The following MAB21L4 variants were observed in gnomAD, a reference collection of about 807,000 sequenced individuals.
MAB21L4 encodes mab-21 like 4.
MAB21L4 carries 25 observed loss-of-function variants against 32.4 expected under a neutral mutation model. That is an observed-to-expected ratio of 0.77 (90% confidence interval 0.56 to 1.08). The LOEUF (loss-of-function observed/expected upper bound fraction) is 1.08. MAB21L4 is among the 50% of genes least tolerant of loss of function. The pLI is 0.00. For synonymous variants in MAB21L4, 280 were observed against 276.8 expected (o/e 1.01, Z -0.11); for missense variants, 638 against 611.0 (o/e 1.04, Z -0.47).
chr2:240,891,479 G>T, intron 2 of MAB21L4, 59 bp downstream of exon 2: 1 of 1,460,766 alleles, frequency 6.8e-7, no homozygotes, highest in Non-Finnish European at 9.3e-7. Context: ...GGAGCATGGG[G>T]GCAGTGGCCC....
chr2:240,890,429 G>T (rs1269278223), intron 2 of MAB21L4, among the ~76,000 whole-genome samples: 1 of 152,150 alleles, frequency 6.6e-6, no homozygotes, highest in Non-Finnish European at 1.5e-5. Context: ...ACAGGAAGGT[G>T]CCTCTCAGAC....
At chr2:240,892,805 C>T (rs2059160839) in intron 1 of MAB21L4, among the ~76,000 whole-genome samples, 1 of 152,180 alleles carries the variant, frequency 6.6e-6, no homozygotes, top group Non-Finnish European at 1.5e-5. Flanking sequence ...TCGGACCCCA[C>T]CCGGGACCCA....
chr2:240,888,202 G>A (rs1052987972), intron 4 of MAB21L4, 90 bp downstream of exon 4: 48 of 1,081,180 alleles, frequency 4.4e-5, no homozygotes, highest in African/African-American at 1.2e-4. Flanking sequence ...CTGCTGACCT[G>A]GGAGAGAATG....
chr2:240,890,826 G>T (rs1298670944), intron 2 of MAB21L4, among the ~76,000 whole-genome samples: 3 of 152,252 alleles, frequency 2.0e-5, no homozygotes. Context: ...AGGCGGGCAG[G>T]TAGTTTATTC....
rs770963138 is a variant in MAB21L4, at chr2:240,891,530, G to A, written c.740+8C>T. 3.1e-6 allele frequency: 5 copies of A among 1,599,876 alleles called. No individual in the cohort carries two copies. The highest frequency in any genetic ancestry group is 2.2e-5 in the East Asian group (1 of 44,704). On this transcript the variant is annotated splice_region_variant and intron_variant, in intron 2 of 4. Coordinates refer to ENST00000388934, the MANE Select transcript of MAB21L4 (RefSeq NM_001085437.3). Reference sequence around the variant, plus strand: ...CCAAGAACCTTGTGACCAGGAGGGTGCGCCTACCTCCAGAGCTGGGCGCTG... The same window carrying A: ...CCAAGAACCTTGTGACCAGGAGGGTACGCCTACCTCCAGAGCTGGGCGCTG...
chr2:240,890,049 G>A lies in MAB21L4; in HGVS notation c.850C>T (p.Arg284Cys), dbSNP rs767515550. Residue 284 changes from arginine (R) to cysteine (C), a missense_variant, in exon 3 of 5, where the codon CGT becomes TGT. Arg to Cys is a radical substitution (Grantham distance 180). Coordinates refer to ENST00000388934, the MANE Select transcript of MAB21L4 (RefSeq NM_001085437.3). ...ILDRVNHESW[R>C]DSGQTDGLTF... Reference sequence around the variant, plus strand: ...AGGCCGTCAGTCTGGCCACTGTCACGCCAGCTCTCGTGGTTGACCCGGTCG... The same window carrying A: ...AGGCCGTCAGTCTGGCCACTGTCACACCAGCTCTCGTGGTTGACCCGGTCG... 1.9e-5 allele frequency: 31 copies of A among 1,613,328 alleles called. No individual in the cohort carries two copies. Among genetic ancestry groups the A allele is most frequent in the South Asian group, 1.5e-4 (14 of 91,040 alleles).
chr2:240,888,104 C>A (rs888529165), intron 4 of MAB21L4, among the ~76,000 whole-genome samples, 188 bp downstream of exon 4: 1 of 152,180 alleles, frequency 6.6e-6, no homozygotes, highest in African/African-American at 2.4e-5. Flanking sequence ...AGTGAGGGGA[C>A]CCCCACGGCC....
chr2:240,891,144 A>G (rs911975836), intron 2 of MAB21L4, among the ~76,000 whole-genome samples: 1 of 152,124 alleles, frequency 6.6e-6, no homozygotes, highest in Non-Finnish European at 1.5e-5. Context: ...TCTCACAGAC[A>G]TCAATGTGGA....
In MAB21L4 at chr2:240,888,415, G is replaced by A. The variant is rs760210722; in HGVS notation, c.1128C>T (p.His376=). ...ASQPEAALRI[H]ATHLGRSPPP... ...GGGGGCTGCGGCCCAGGTGGGTGGC[G>A]TGGATGCGCAGGGCCGCCTCGGGCT... The change falls in exon 4 of 5, where the codon CAC becomes CAT. Residue 376 remains histidine (H), a synonymous_variant. Coordinates refer to ENST00000388934, the MANE Select transcript of MAB21L4 (RefSeq NM_001085437.3). 98 of 1,558,858 alleles carry A rather than the reference G, an allele frequency of 6.3e-5. No homozygotes were observed. The highest frequency in any genetic ancestry group is 6.3e-5 in the Non-Finnish European group (73 of 1,155,444).
intron 1 of MAB21L4, among the ~76,000 whole-genome samples, chr2:240,893,774 C>A (rs1465255447): frequency 1.1e-5 from 1 of 95,204 alleles, no homozygotes; most frequent in East Asian, 2.8e-4. Context: ...CGGCTTAGAG[C>A]AAATCCGAAT....
chr2:240,890,423 G>A (rs1365406710), intron 2 of MAB21L4, among the ~76,000 whole-genome samples: 2 of 152,162 alleles, frequency 1.3e-5, no homozygotes, highest in Admixed American at 1.3e-4. Context: ...GTGTAGACAG[G>A]AAGGTGCCTC....
At chr2:240,891,450 C>A in intron 2 of MAB21L4, 88 bp downstream of exon 2, 1 of 1,252,722 alleles carries the variant, frequency 8.0e-7, no homozygotes, top group Non-Finnish European at 1.1e-6. Flanking sequence ...CCCTGCAGAT[C>A]CTCCTGGCTG....
At chr2:240,894,751 TCGTGCCATTGCACTCCAGC>T (rs1484701385) in intron 1 of MAB21L4, among the ~76,000 whole-genome samples, 5 of 152,066 alleles carry the variant, frequency 3.3e-5, no homozygotes, top group African/African-American at 1.2e-4. Context: ...TGAGCCAAGA[TCGTGCCATTGCACTCCAGC>T]CTGGGTGACA....
intron 3 of MAB21L4, 93 bp from the exon 4 acceptor site, chr2:240,888,741 TC>T: frequency 1.3e-6 from 1 of 780,542 alleles, no homozygotes. Context: ...TGGCTGCCCC[TC>T]CCTGCTCCTA....
chr2:240,888,553 A>G lies in MAB21L4; in HGVS notation c.990T>C (p.Cys330=), dbSNP rs1290232670. 1 of 1,608,860 alleles carries G rather than the reference A, an allele frequency of 6.2e-7. No homozygotes were observed. Among genetic ancestry groups the G allele is most frequent in the South Asian group, 1.1e-5 (1 of 90,930 alleles). The change falls in exon 4 of 5, where the codon TGT becomes TGC. Residue 330 remains cysteine, a synonymous_variant. Coordinates refer to ENST00000388934, the MANE Select transcript of MAB21L4 (RefSeq NM_001085437.3). ...GGGGCAGCTTCCGCGTGGCCAGGCA[A>G]CAGAGCAGCACCACCAGCAGGCGGT... ...AVYRLLVVLL[C]CLATRKLPHF...
rs762018832 is a variant in MAB21L4 at position 240,890,048 on chromosome 2, C to T, written c.851G>A (p.Arg284His). The change falls in exon 3 of 5, where the codon CGT (arginine) becomes CAT (histidine). Residue 284 changes from arginine (R) to histidine (H), a missense_variant. Arg to His is a conservative substitution (Grantham distance 29). Transcript: ENST00000388934. ...CAGGCCGTCAGTCTGGCCACTGTCA[C>T]GCCAGCTCTCGTGGTTGACCCGGTC... is the stretch of plus-strand genomic sequence containing the variant. Reference protein sequence around the residue: ...ILDRVNHESWRDSGQTDGLTF... With the variant: ...ILDRVNHESWHDSGQTDGLTF... 8.7e-6 allele frequency: 14 copies of T among 1,613,296 alleles called. No homozygotes were observed. In the East Asian group the frequency reaches 8.9e-5, roughly 10 times the overall value.
Position 240,888,873 on chromosome 2 carries a change from C to T in MAB21L4, c.895-225G>A, listed in dbSNP as rs181172312. Among the ~76,000 whole-genome samples, 1,110 of 152,076 alleles carry T rather than the reference C, an allele frequency of 7.3e-3. 16 individuals are homozygous for T. The highest frequency in any genetic ancestry group is 0.026 in the African/African-American group (1,078 of 41,468). ...GGCATGAACCCCTCTCTCTCCTCCC[C>T]TGCCTGGCTCTGGCCCTCGCACCCC... is the stretch of plus-strand genomic sequence containing the variant. On this transcript the variant is annotated intron_variant, in intron 3 of 4. Transcript: ENST00000388934.
rs1559580517 is a variant in MAB21L4, at chr2:240,895,719, C to T, written c.279G>A (p.Leu93=). Residue 93 remains leucine, a synonymous_variant, in exon 1 of 5, where the codon CTG becomes CTA. Coordinates refer to ENST00000388934, the MANE Select transcript of MAB21L4 (RefSeq NM_001085437.3). Reference sequence around the variant, plus strand: ...GCTGGGTGGCCTCTGGTTCCTCAATCAGTAGAGCCTCGGCATCCACCCACA... The same window carrying T: ...GCTGGGTGGCCTCTGGTTCCTCAATTAGTAGAGCCTCGGCATCCACCCACA... ...VPLWVDAEAL[L]IEEPEATQPE... 6.2e-7 allele frequency: 1 copy of T among 1,612,812 alleles called. No individual in the cohort carries two copies. The highest frequency in any genetic ancestry group is 1.3e-5 in the African/African-American group (1 of 74,940).
At chr2:240,895,179 G>A (rs535150114) in intron 1 of MAB21L4, among the ~76,000 whole-genome samples, 7 of 152,334 alleles carry the variant, frequency 4.6e-5, no homozygotes, top group South Asian at 4.1e-4. Flanking sequence ...ACTGGCAGCC[G>A]TGGAACCCCC....
Sources: allele counts gnomAD v4.1 joint callset (sites outside exome capture counted in the v4.1 genomes callset), GRCh38; gene constraint gnomAD v4.1.1; transcripts MANE v1.5; gene names NCBI Gene and HGNC (gene_info 2026-07-23, HGNC 2026-07-21).